The following TTLL5 variants were observed in gnomAD, a reference collection of about 807,000 sequenced individuals.
The protein encoded by TTLL5 is tubulin tyrosine ligase like 5.
A neutral mutation model predicts 168.4 loss-of-function variants in TTLL5; 132 were observed. The observed-to-expected ratio is 0.78, with a 90% CI of 0.68 to 0.91. The LOEUF (loss-of-function observed/expected upper bound fraction) is 0.91. Ranked by LOEUF, TTLL5 falls within the 40% of genes least tolerant of loss-of-function variation. TTLL5 has a pLI of 0.00. For synonymous variants in TTLL5, 546 were observed against 558.6 expected (o/e 0.98, Z 0.32); for missense variants, 1,545 against 1,581.5 (o/e 0.98, Z 0.39).
At chr14:75,765,050 A>G (rs984641083) in intron 19 of TTLL5, among the ~76,000 whole-genome samples, 3 of 152,222 alleles carry the variant, frequency 2.0e-5, no homozygotes, top group Non-Finnish European at 4.4e-5. Flanking sequence ...AAATAATATT[A>G]GCCTGAGTTT....
chr14:75,951,635 G>A (rs112102826), intron 31 of TTLL5, among the ~76,000 whole-genome samples: 1 of 152,172 alleles, frequency 6.6e-6, no homozygotes, highest in African/African-American at 2.4e-5. Context: ...GGTGGTACAT[G>A]CCTGTGGTCC....
chr14:75,684,670 G>A (rs1314879476), intron 5 of TTLL5: 2 of 152,150 alleles, frequency 1.3e-5, no homozygotes, highest in Non-Finnish European at 2.9e-5. Context: ...TACGGTCACA[G>A]GGAATTAAAA....
intron 18 of TTLL5, among the ~76,000 whole-genome samples, chr14:75,757,503 C>G (rs958528750): frequency 6.6e-6 from 1 of 152,120 alleles, no homozygotes; most frequent in African/African-American, 2.4e-5. Context: ...ATAAATGGAG[C>G]GAATTAACAA....
intron 31 of TTLL5, among the ~76,000 whole-genome samples, chr14:75,903,203 T>G (rs2140092027): frequency 6.6e-6 from 1 of 152,192 alleles, no homozygotes; most frequent in African/African-American, 2.4e-5. Context: ...GTGGGGCATA[T>G]TTGAACCTAA....
chr14:75,709,073 T>A (rs777845302), intron 9 of TTLL5: 5 of 662,768 alleles, frequency 7.5e-6, no homozygotes, highest in Admixed American at 2.5e-5. Context: ...GGGCCTCAGG[T>A]TGGACAAGCT....
chr14:75,789,736 A>T (rs992924788), intron 26 of TTLL5, among the ~76,000 whole-genome samples: 9 of 152,228 alleles, frequency 5.9e-5, no homozygotes, highest in Middle Eastern at 6.3e-3. Flanking sequence ...TAAATGGATA[A>T]ATATACCACG....
At chr14:75,855,150 G>GGAAAAA (rs1897065101) in intron 28 of TTLL5, among the ~76,000 whole-genome samples, 1 of 130,498 alleles carries the variant, frequency 7.7e-6, no homozygotes, top group Non-Finnish European at 1.6e-5. Flanking sequence ...TATGCTAGAA[G>GGAAAAA]AAAAAAAAAA....
At chr14:75,900,381 C>T (rs1429396752) in intron 30 of TTLL5, among the ~76,000 whole-genome samples, 3 of 152,162 alleles carry the variant, frequency 2.0e-5, no homozygotes, top group African/African-American at 7.2e-5. Flanking sequence ...AGAATCTTCT[C>T]AAGCGGCATG....
chr14:75,732,474 A>C, intron 13 of TTLL5, 55 bp downstream of exon 13: 21 of 1,397,218 alleles, frequency 1.5e-5, no homozygotes, highest in East Asian at 1.2e-4. Flanking sequence ...TACTTAAAGC[A>C]CTTTTTTTTT....
intron 31 of TTLL5, among the ~76,000 whole-genome samples, chr14:75,950,331 G>A (rs1252347853): frequency 6.6e-6 from 1 of 152,194 alleles, no homozygotes; most frequent in Non-Finnish European, 1.5e-5. Flanking sequence ...TAGAGGACCA[G>A]ATCATTATAG....
chr14:75,775,653 T>A, intron 22 of TTLL5, 23 bp downstream of exon 22: 1 of 1,613,294 alleles, frequency 6.2e-7, no homozygotes, highest in Non-Finnish European at 8.5e-7. Flanking sequence ...CTGTTAGTCT[T>A]GTGCTTTGGA....
chr14:75,793,694 T>C (rs1266847942), intron 27 of TTLL5, among the ~76,000 whole-genome samples: 1 of 152,234 alleles, frequency 6.6e-6, no homozygotes, highest in Non-Finnish European at 1.5e-5. Flanking sequence ...GTCCTTATGC[T>C]ATATAGATAT....
At chr14:75,744,253 T>C (rs375008975) in intron 15 of TTLL5, 2 of 152,364 alleles carry the variant, frequency 1.3e-5, no homozygotes, top group East Asian at 3.9e-4. Context: ...TTGTCTTATT[T>C]TTGTCTGTCA....
chr14:75,935,044 A>G (rs939325671), intron 31 of TTLL5, among the ~76,000 whole-genome samples: 2 of 152,220 alleles, frequency 1.3e-5, no homozygotes, highest in Non-Finnish European at 2.9e-5. Context: ...GGACTGTTGA[A>G]CCCAAGCTTT....
Position 75,731,374 on chromosome 14 carries a change from T to TACACACACACACACAC in TTLL5, c.1043-930_1043-915dup, listed in dbSNP as rs3031047. Reference sequence around the variant, plus strand: ...ATATAGCTATAAATATACACATACATACACACACACACACACACACACACA... The same window carrying TACACACACACACACAC: ...ATATAGCTATAAATATACACATACATACACACACACACACACACACACACACACACACACACACACA... On this transcript the variant is annotated intron_variant, in intron 12 of 31. Coordinates refer to ENST00000298832, the MANE Select transcript of TTLL5 (RefSeq NM_015072.5). Among the ~76,000 whole-genome samples, 16 of 139,330 alleles carry TACACACACACACACAC rather than the reference T, an allele frequency of 1.1e-4. No individual in the cohort carries two copies. The East Asian group carries it at 1.9e-3, about 17-fold the overall frequency. The allele number at this position is 139,330 out of a possible 152,430, so 91.4% of individuals were successfully genotyped here. A position where few individuals can be genotyped will look rare whatever the true frequency, so the allele number is the denominator to read the frequency against.
intron 7 of TTLL5, among the ~76,000 whole-genome samples, chr14:75,702,300 C>T (rs1212174004): frequency 2.0e-5 from 3 of 152,208 alleles, no homozygotes; most frequent in South Asian, 4.1e-4. Flanking sequence ...TCTGCTCTGA[C>T]GTTGGTGTTG....
chr14:75,921,810 C>A (rs1461677651), intron 31 of TTLL5, among the ~76,000 whole-genome samples: 3 of 152,160 alleles, frequency 2.0e-5, no homozygotes, highest in Non-Finnish European at 4.4e-5. Context: ...CTATAAATTA[C>A]CTTGGGCAAT....
chr14:75,927,291 T>G (rs1357450952), intron 31 of TTLL5, among the ~76,000 whole-genome samples: 1 of 152,220 alleles, frequency 6.6e-6, no homozygotes, highest in Admixed American at 6.5e-5. Flanking sequence ...AATTAAGTTA[T>G]TGTTAACTAT....
intron 15 of TTLL5, chr14:75,737,660 A>G: frequency 2.7e-6 from 4 of 1,509,376 alleles, no homozygotes; most frequent in East Asian, 2.5e-5. Flanking sequence ...CATTCTCCAA[A>G]TGGAAAGTTT....
Sources: gnomAD v4.1 joint callset for allele counts (sites outside exome capture counted in the v4.1 genomes callset) on GRCh38, gnomAD v4.1.1 for gene constraint, MANE v1.5 for transcripts, NCBI Gene and HGNC (gene_info 2026-07-23, HGNC 2026-07-21) for gene names.